Variants in RUBCNL observed in about 807,000 individuals in gnomAD.
RUBCNL encodes protein associated with UVRAG as autophagy enhancer.
Under a neutral mutation model 69.5 loss-of-function variants are expected in RUBCNL, and 62 were observed. That is an observed-to-expected ratio of 0.89 (90% CI 0.73 to 1.10). The LOEUF (loss-of-function observed/expected upper bound fraction) is 1.10. Ranked by LOEUF, RUBCNL falls within the 50% of genes least tolerant of loss-of-function variation. The probability of loss-of-function intolerance (pLI) is 0.00; values close to 1 mark genes in which losing one functional copy is unlikely to be tolerated. For missense variants in RUBCNL, 768 were observed against 798.1 expected, an observed-to-expected ratio of 0.96 and a Z score of 0.45; for synonymous variants, 291 against 303.6, an observed-to-expected ratio of 0.96 and a Z score of 0.43.
Position 46,372,165 on chromosome 13 carries a change from A to G in RUBCNL, c.311T>C (p.Leu104Ser), listed in dbSNP as rs2138803983. 1 of 1,614,036 alleles carries G rather than the reference A, an allele frequency of 6.2e-7. No individual in the cohort carries two copies. Among genetic ancestry groups the G allele is most frequent in the East Asian group, 2.2e-5 (1 of 44,882 alleles). ...CLGDSLAETT[L>S]SEDTTDSVGS... is the part of the protein sequence containing the mutation. The stretch of plus-strand genomic sequence containing the variant: ...AACGGAGTCTGTGGTATCCTCAGAC[A>G]ACGTTGTCTCTGCCAGGGAGTCCCC... Residue 104 changes from leucine to serine, a missense_variant, in exon 3 of 15, where the codon TTG becomes TCG. By Grantham distance (145) the Leu-to-Ser change is moderately radical. Transcript: ENST00000429979.
intron 12 of RUBCNL, 28 bp from the exon 13 acceptor site, chr13:46,345,628 C>T: frequency 6.2e-7 from 1 of 1,609,964 alleles, no homozygotes; most frequent in Middle Eastern, 1.7e-4. Flanking sequence ...AAGAGGAATT[C>T]AGAAACCCAC....
rs1308282625 is a variant in RUBCNL, at chr13:46,336,872, CCT to C, written c.*6511_*6512del. Reference sequence around the variant, plus strand: ...AAGAATTTTTTTCTCTCTGCATATTCCTTTATTTTTTAATGTAAGGAATACTA... The same window carrying C: ...AAGAATTTTTTTCTCTCTGCATATTCTTATTTTTTAATGTAAGGAATACTA... On this transcript the variant is annotated 3_prime_UTR_variant, in exon 15 of 15. Coordinates refer to ENST00000429979, the MANE Select transcript of RUBCNL (RefSeq NM_025113.5). Among the ~76,000 whole-genome samples, 1 of 151,774 alleles carries C rather than the reference CCT, an allele frequency of 6.6e-6. No individual in the cohort carries two copies. Among genetic ancestry groups the C allele is most frequent in the Admixed American group, 6.6e-5 (1 of 15,226 alleles).
intron 5 of RUBCNL, among the ~76,000 whole-genome samples, chr13:46,367,073 G>T (rs1313843517): frequency 6.6e-6 from 1 of 152,204 alleles, no homozygotes; most frequent in Non-Finnish European, 1.5e-5. Context: ...CTGGAGGCAG[G>T]ACTTAAGAAA....
At chr13:46,344,935 T>C (rs1594128347) in intron 13 of RUBCNL, 104 bp from the exon 14 acceptor site, 1 of 720,074 alleles carries the variant, frequency 1.4e-6, no homozygotes. Flanking sequence ...TGTCTATGAT[T>C]CCAGCCTCTA....
In RUBCNL at chr13:46,375,255, G is replaced by A. The variant is rs561294565; in HGVS notation, c.-123+2635C>T. Among the ~76,000 whole-genome samples, 20 of 152,176 alleles carry A rather than the reference G, an allele frequency of 1.3e-4. No individual in the cohort carries two copies. The South Asian group carries it at 4.1e-3, about 32-fold the overall frequency. On this transcript the variant is annotated intron_variant, in intron 2 of 14. Coordinates refer to ENST00000429979, the MANE Select transcript of RUBCNL (RefSeq NM_025113.5). ...AAAGTTAAGAGCTAGAGAAAAGACC[G>A]GGCGCAGTGGCTCATGCCTATAATC...
chr13:46,356,397 A>C, intron 10 of RUBCNL, 35 bp downstream of exon 10: 1 of 1,606,068 alleles, frequency 6.2e-7, no homozygotes, highest in Middle Eastern at 1.7e-4. Flanking sequence ...CCTTGTCATC[A>C]CATCATAAGC....
intron 10 of RUBCNL, among the ~76,000 whole-genome samples, chr13:46,353,691 ACAC>A (rs2048420643): frequency 6.6e-6 from 1 of 152,222 alleles, no homozygotes; most frequent in African/African-American, 2.4e-5. Flanking sequence ...CTGCTCCAAA[ACAC>A]AATTGTCCTC....
chr13:46,359,551 G>T lies in RUBCNL; in HGVS notation c.1200C>A (p.Ile400=). ...VVQEIKFKSR[I]RGTEDWAPPR... is the part of the protein sequence containing the mutation. Reference sequence around the variant, plus strand: ...GAGGAGCCCAGTCTTCAGTCCCTCTGATCCTAGACTTAAATTTAATTTCCT... The same window carrying T: ...GAGGAGCCCAGTCTTCAGTCCCTCTTATCCTAGACTTAAATTTAATTTCCT... The change falls in exon 9 of 15, where the codon ATC becomes ATA. Residue 400 remains isoleucine, a synonymous_variant. Coordinates refer to ENST00000429979, the MANE Select transcript of RUBCNL (RefSeq NM_025113.5). 6.3e-7 allele frequency: 1 copy of T among 1,592,490 alleles called. No individual in the cohort carries two copies. Among genetic ancestry groups the T allele is most frequent in the Middle Eastern group, 1.7e-4 (1 of 6,036 alleles).
chr13:46,373,833 C>A lies in RUBCNL; in HGVS notation c.-122-1236G>T, dbSNP rs566492242. ...TCTCTATTTCTGATTTCCCGGCTAG[C>A]AAATCTTATTGCCTATTTGACATCT... On this transcript the variant is annotated intron_variant, in intron 2 of 14. Transcript: ENST00000429979. 2.0e-5 allele frequency among the ~76,000 whole-genome samples: 3 copies of A among 152,370 alleles called. No individual in the cohort carries two copies. In the South Asian group the frequency reaches 6.2e-4, roughly 32 times the overall value.
At position 46,339,661 on chromosome 13, in the gene RUBCNL, C is replaced by T. The variant is rs2048127450; in HGVS notation, c.*3724G>A. On this transcript the variant is annotated 3_prime_UTR_variant, in exon 15 of 15. Coordinates refer to ENST00000429979, the MANE Select transcript of RUBCNL (RefSeq NM_025113.5). Reference sequence around the variant, plus strand: ...ATCACCTGAGGTCAGGGGTTAGAGACCAGCCTTGCCAACATGGTGAAAACC... The same window carrying T: ...ATCACCTGAGGTCAGGGGTTAGAGATCAGCCTTGCCAACATGGTGAAAACC... Among the ~76,000 whole-genome samples the T allele has an allele frequency of 6.6e-6, 1 of 152,134 alleles. No homozygotes were observed. Among genetic ancestry groups the T allele is most frequent in the Admixed American group, 6.5e-5 (1 of 15,282 alleles).
At chr13:46,378,303 G>T (rs1306660786) in intron 1 of RUBCNL, 4 of 188,714 alleles carry the variant, frequency 2.1e-5, no homozygotes, top group Non-Finnish European at 4.5e-5. Flanking sequence ...GATAATACAG[G>T]TCTAAGCAAT....
At chr13:46,347,284 G>A (rs2048266670) in intron 12 of RUBCNL, among the ~76,000 whole-genome samples, 1 of 152,162 alleles carries the variant, frequency 6.6e-6, no homozygotes, top group South Asian at 2.1e-4. Flanking sequence ...GCACATGTCT[G>A]TAATCCCACC....
In RUBCNL at chr13:46,338,692, C is replaced by T. The variant is rs1023460170; in HGVS notation, c.*4693G>A. On this transcript the variant is annotated 3_prime_UTR_variant, in exon 15 of 15. Transcript: ENST00000429979. ...GAACAAGACCATGGAGGCAGGAACACGGCAGGACTAGAAAAGAGGGGGCAG... is the reference window on the plus strand; with the variant it reads ...GAACAAGACCATGGAGGCAGGAACATGGCAGGACTAGAAAAGAGGGGGCAG... 1.3e-5 allele frequency among the ~76,000 whole-genome samples: 2 copies of T among 152,086 alleles called. No homozygotes were observed. The highest frequency in any genetic ancestry group is 2.4e-5 in the African/African-American group (1 of 41,490).
At chr13:46,352,243 C>T (rs986849916) in intron 10 of RUBCNL, among the ~76,000 whole-genome samples, 6 of 152,228 alleles carry the variant, frequency 3.9e-5, no homozygotes, top group Non-Finnish European at 8.8e-5. Context: ...TGTGCACTCA[C>T]CACCCAGCTT....
chr13:46,354,467 A>T (rs1400922245), intron 10 of RUBCNL, among the ~76,000 whole-genome samples: 1 of 152,234 alleles, frequency 6.6e-6, no homozygotes, highest in Non-Finnish European at 1.5e-5. Context: ...CCTAGAAGCT[A>T]GAGGAATTTA....
chr13:46,382,471 A>G (rs1221302288), intron 1 of RUBCNL, among the ~76,000 whole-genome samples: 1 of 152,218 alleles, frequency 6.6e-6, no homozygotes, highest in East Asian at 1.9e-4. Context: ...TAAAGACAAC[A>G]GATGACCACT....
chr13:46,349,166 G>C, intron 12 of RUBCNL, 120 bp downstream of exon 12: 1 of 777,570 alleles, frequency 1.3e-6, no homozygotes, highest in Non-Finnish European at 2.2e-6. Flanking sequence ...CCCAAGGAAA[G>C]CCATGAGGTC....
chr13:46,371,798 G>T, intron 3 of RUBCNL, 143 bp downstream of exon 3: 1 of 792,974 alleles, frequency 1.3e-6, no homozygotes, highest in Non-Finnish European at 2.0e-6. Flanking sequence ...CACCTGTTGT[G>T]ACCGCCCAGA....
chr13:46,337,444 C>T lies in RUBCNL; in HGVS notation c.*5941G>A, dbSNP rs543425488. 1.2e-4 allele frequency among the ~76,000 whole-genome samples: 18 copies of T among 152,204 alleles called. No individual in the cohort carries two copies. The South Asian group carries it at 1.9e-3, about 16-fold the overall frequency. On this transcript the variant is annotated 3_prime_UTR_variant, in exon 15 of 15. Transcript: ENST00000429979. ...TGCTGGGATTACAAGTGTGAGCCAC[C>T]GTGCCTGGTCCGCTCTCTCTCCTTT...
Sources: allele counts gnomAD v4.1 joint callset (sites outside exome capture counted in the v4.1 genomes callset), GRCh38; gene constraint gnomAD v4.1.1; transcripts MANE v1.5; gene names NCBI Gene and HGNC (gene_info 2026-07-23, HGNC 2026-07-21).